Variants in ABI3BP observed in about 807,000 individuals in gnomAD.
The protein encoded by ABI3BP is ABI family member 3 binding protein.
Under a neutral mutation model 268.6 loss-of-function variants are expected in ABI3BP, and 216 were observed. The ratio of observed to expected loss-of-function variants is 0.80; its 90% confidence interval spans 0.72 to 0.90. The LOEUF is 0.90. Ranked by LOEUF, ABI3BP falls within the 40% of genes least tolerant of loss-of-function variation. ABI3BP has a pLI of 0.00. For synonymous variants in ABI3BP, 730 were observed against 730.0 expected, an observed-to-expected ratio of 1.00 and a Z score of 0.00; for missense variants, 2,090 against 2,182.4, an observed-to-expected ratio of 0.96 and a Z score of 0.84.
chr3:100,752,158 T>C (rs985872547), intron 66 of ABI3BP, among the ~76,000 whole-genome samples: 2 of 152,230 alleles, frequency 1.3e-5, no homozygotes, highest in Non-Finnish European at 2.9e-5. Flanking sequence ...GAAAATGTTC[T>C]TTAAAGTACC....
intron 6 of ABI3BP, among the ~76,000 whole-genome samples, chr3:100,878,761 G>C (rs1045727304): frequency 5.4e-5 from 7 of 130,398 alleles, no homozygotes; most frequent in African/African-American, 1.8e-4. Flanking sequence ...CCCACCTTAA[G>C]AGAAGCCCCA....
chr3:100,898,954 G>A lies in ABI3BP; in HGVS notation c.329-60C>T, dbSNP rs541843546. On this transcript the variant is annotated intron_variant, in intron 3 of 67. Transcript: ENST00000471714. ...GACATTTAGTAAGTTGCCATGATTC[G>A]GGTAAAATGCATTAAAGATGACTTG... 33 of 1,500,706 alleles carry A rather than the reference G, an allele frequency of 2.2e-5. No homozygotes were observed. In the East Asian group the frequency reaches 3.0e-4, roughly 14 times the overall value. 93.0% of individuals were successfully genotyped at this position (1,500,706 alleles called of 1,614,324 possible). A position where few individuals can be genotyped will look rare whatever the true frequency, so the allele number is the denominator to read the frequency against.
Position 100,838,240 on chromosome 3 carries a change from C to T in ABI3BP, c.2053G>A (p.Ala685Thr), listed in dbSNP as rs748514489. ...KQLLPKPQTT[A>T]EPDMPPTKSV... ...TTAGTTGGTGGCATGTCTGGTTCTG[C>T]TGTGGTTTGGGGTTTAGGAAGTAAT... The change falls in exon 26 of 68, where the codon GCA (alanine) becomes ACA (threonine). Residue 685 changes from alanine (A) to threonine (T), a missense_variant. By Grantham distance (58) the Ala-to-Thr change is moderately conservative. Coordinates refer to ENST00000471714, the MANE Select transcript of ABI3BP (RefSeq NM_001375547.2). The T allele has an allele frequency of 6.5e-7, 1 of 1,536,412 alleles. No individual in the cohort carries two copies. The highest frequency in any genetic ancestry group is 8.7e-7 in the Non-Finnish European group (1 of 1,146,828).
chr3:100,909,611 CATGA>C (rs2055316740), intron 2 of ABI3BP, among the ~76,000 whole-genome samples: 2 of 152,122 alleles, frequency 1.3e-5, no homozygotes, highest in Non-Finnish European at 2.9e-5. Context: ...GGGCGAAGGA[CATGA>C]ACAGACACTT....
chr3:100,902,728 A>G (rs2051038657), intron 2 of ABI3BP, 42 bp from the exon 3 acceptor site: 2 of 1,563,834 alleles, frequency 1.3e-6, no homozygotes, highest in South Asian at 1.1e-5. Flanking sequence ...CCCTTTGAGA[A>G]CCAGCATTGG....
chr3:100,838,524 GGACAATTA>G, intron 24 of ABI3BP, 60 bp from the exon 25 acceptor site: 1 of 1,311,512 alleles, frequency 7.6e-7, no homozygotes, highest in Non-Finnish European at 1.1e-6. Context: ...TCAAAATTAA[GGACAATTA>G]TGCAGAACAA....
At chr3:100,851,466 A>C (rs144244253) in intron 15 of ABI3BP, among the ~76,000 whole-genome samples, 2 of 152,192 alleles carry the variant, frequency 1.3e-5, no homozygotes, top group Admixed American at 1.3e-4. Flanking sequence ...TGCTTCCCCA[A>C]GTTGTGACAA....
chr3:100,749,259 G>GTGAT lies in ABI3BP; in HGVS notation c.*1232_*1235dup. The GTGAT allele has an allele frequency of 2.6e-5, 1 of 38,326 alleles. No homozygotes were observed. The allele number at this position is 38,326 out of a possible 1,614,324, so 2.4% of individuals were successfully genotyped here. ...GTTGGTAGAGCCTGAATAAAACTTA[G>GTGAT]TGATTTTCCTTCTCGATAAAAGGTA... On this transcript the variant is annotated 3_prime_UTR_variant, in exon 68 of 68. Transcript: ENST00000471714.
At chr3:100,906,070 C>T (rs981393849) in intron 2 of ABI3BP, among the ~76,000 whole-genome samples, 12 of 152,106 alleles carry the variant, frequency 7.9e-5, no homozygotes, top group South Asian at 2.1e-4. Flanking sequence ...GAAAACAAAA[C>T]CCCTAGTTTT....
chr3:100,972,840 T>C (rs2084310536), intron 1 of ABI3BP, among the ~76,000 whole-genome samples: 1 of 152,198 alleles, frequency 6.6e-6, no homozygotes, highest in South Asian at 2.1e-4. Context: ...CTAATTAACA[T>C]TGGTTTTTAA....
intron 50 of ABI3BP, among the ~76,000 whole-genome samples, chr3:100,807,684 C>T (rs2097752237): frequency 6.6e-6 from 1 of 151,958 alleles, no homozygotes; most frequent in South Asian, 2.1e-4. Context: ...TGTGATGGTG[C>T]TAAACATTTT....
Position 100,812,518 on chromosome 3 carries a change from C to A in ABI3BP, c.3370G>T (p.Asp1124Tyr). The A allele has an allele frequency of 7.5e-7, 1 of 1,330,076 alleles. No individual in the cohort carries two copies. The highest frequency in any genetic ancestry group is 2.2e-5 in the South Asian group (1 of 45,034). 82.4% of individuals were successfully genotyped at this position (1,330,076 alleles called of 1,614,324 possible). A position where few individuals can be genotyped will look rare whatever the true frequency, so the allele number is the denominator to read the frequency against. ...CTAAGTGTAACCGATTCCAGAACAT[C>A]AGAAACTAGTAAAAAACAGAAAATG... Reference protein sequence around the residue: ...LEMTESQPVSDVLESVTLSTE... With the variant: ...LEMTESQPVSYVLESVTLSTE... The change falls in exon 46 of 68, where the codon GAT (aspartate) becomes TAT (tyrosine). Residue 1124 changes from aspartate to tyrosine, a missense_variant. Transcript: ENST00000471714.
In ABI3BP at chr3:100,815,962, G is replaced by GT; in HGVS notation, c.3238dup (p.Thr1080AsnfsTer4). ...ACTATGAACAACAGGTTCAAAGCCT[G>GT]TAACAGAAACTAACCAAAAGCAACA... On this transcript the variant is annotated frameshift_variant, in exon 44 of 68. Coordinates refer to ENST00000471714, the MANE Select transcript of ABI3BP (RefSeq NM_001375547.2). LOFTEE classifies it high-confidence loss of function. 6.6e-7 allele frequency: 1 copy of GT among 1,520,918 alleles called. No individual in the cohort carries two copies. Among genetic ancestry groups the GT allele is most frequent in the Non-Finnish European group, 8.8e-7 (1 of 1,142,284 alleles). The allele number at this position is 1,520,918 out of a possible 1,614,324, so 94.2% of individuals were successfully genotyped here.
intron 41 of ABI3BP, 38 bp from the exon 42 acceptor site, chr3:100,817,533 C>T (rs956140464): frequency 7.4e-7 from 1 of 1,344,808 alleles, no homozygotes; most frequent in East Asian, 2.5e-5. Context: ...AAAGATTTAA[C>T]TTGAATATTA....
chr3:100,906,342 T>TG (rs2053432446), intron 2 of ABI3BP, among the ~76,000 whole-genome samples: 2 of 152,250 alleles, frequency 1.3e-5, no homozygotes, highest in African/African-American at 2.4e-5. Context: ...TTGGAACAAA[T>TG]GTCATTACCT....
intron 1 of ABI3BP, among the ~76,000 whole-genome samples, chr3:100,948,450 G>A (rs1054080286): frequency 6.6e-5 from 10 of 151,942 alleles, no homozygotes; most frequent in Non-Finnish European, 1.2e-4. Flanking sequence ...AGTCCTTACT[G>A]CAAACAGAAT....
At chr3:100,913,338 T>C (rs1205229472) in intron 2 of ABI3BP, among the ~76,000 whole-genome samples, 2 of 152,050 alleles carry the variant, frequency 1.3e-5, no homozygotes, top group Non-Finnish European at 2.9e-5. Context: ...ACAGAATCAA[T>C]AACGACTACA....
intron 51 of ABI3BP, among the ~76,000 whole-genome samples, chr3:100,799,946 A>T (rs1203850792): frequency 6.6e-6 from 1 of 152,174 alleles, no homozygotes; most frequent in African/African-American, 2.4e-5. Flanking sequence ...CTGCAAGGCT[A>T]GCATGTACAC....
Position 100,749,522 on chromosome 3 carries a change from A to G in ABI3BP, c.*973T>C. ...GACAATACCTTTTTAATAGAAATAA[A>G]TGAGTTAGTTAGTTAGATTTTTATT... On this transcript the variant is annotated 3_prime_UTR_variant, in exon 68 of 68. Coordinates refer to ENST00000471714, the MANE Select transcript of ABI3BP (RefSeq NM_001375547.2). 2.5e-6 allele frequency: 1 copy of G among 394,704 alleles called. No individual in the cohort carries two copies. The highest frequency in any genetic ancestry group is 4.5e-6 in the Non-Finnish European group (1 of 224,712). The allele number at this position is 394,704 out of a possible 1,614,324, so 24.5% of individuals were successfully genotyped here. A position where few individuals can be genotyped will look rare whatever the true frequency, so the allele number is the denominator to read the frequency against.
Sources: allele counts gnomAD v4.1 joint callset (sites outside exome capture counted in the v4.1 genomes callset), GRCh38; gene constraint gnomAD v4.1.1; transcripts MANE v1.5; gene names NCBI Gene and HGNC (gene_info 2026-07-23, HGNC 2026-07-21).